The following MIB1 variants were observed in gnomAD, a reference collection of about 807,000 sequenced individuals.
MIB1 encodes E3 ubiquitin-protein ligase MIB1.
A neutral mutation model predicts 124.5 loss-of-function variants in MIB1; 278 were observed. The observed-to-expected ratio is 2.23, with a 90% CI of 2.02 to 2.47. MIB1 has a LOEUF of 2.47. MIB1 is among the 30% of genes most tolerant of loss of function. The pLI is 0.00. For missense variants in MIB1, 957 were observed against 1,254.4 expected, an observed-to-expected ratio of 0.76 and a Z score of 3.58; for synonymous variants, 446 against 429.4, an observed-to-expected ratio of 1.04 and a Z score of -0.48.
chr18:21,867,554 T>G lies in MIB1; in HGVS notation c.*2888T>G, dbSNP rs970222881. On this transcript the variant is annotated 3_prime_UTR_variant, in exon 21 of 21. Transcript: ENST00000261537. ...TGTAGGAATATATTAGACAAATGTT[T>G]AGTTGGTCAAATTATGCATAAGATA... The G allele has an allele frequency of 2.6e-5, 4 of 152,618 alleles. No individual in the cohort carries two copies. The highest frequency in any genetic ancestry group is 6.5e-5 in the Admixed American group (1 of 15,280). The allele number at this position is 152,618 out of a possible 1,614,324, so 9.5% of individuals were successfully genotyped here. A position where few individuals can be genotyped will look rare whatever the true frequency, so the allele number is the denominator to read the frequency against.
intron 1 of MIB1, among the ~76,000 whole-genome samples, chr18:21,751,347 G>A (rs553488660): frequency 1.1e-4 from 17 of 152,158 alleles, no homozygotes; most frequent in African/African-American, 4.1e-4. Flanking sequence ...CACGATCTTG[G>A]CTCACTGCAG....
chr18:21,724,725 AAAATATATAT>A (rs1290498271), intron 1 of MIB1, among the ~76,000 whole-genome samples: 27 of 42,800 alleles, frequency 6.3e-4, no homozygotes, highest in Admixed American at 1.0e-3. Context: ...AAAAAAAAAA[AAAATATATAT>A]ATATATATAT....
intron 1 of MIB1, among the ~76,000 whole-genome samples, chr18:21,756,572 C>T (rs938328716): frequency 1.3e-5 from 2 of 152,052 alleles, no homozygotes; most frequent in African/African-American, 4.8e-5. Context: ...TCAAGTGATC[C>T]ACCTGTCTCA....
At chr18:21,849,065 A>T (rs1407904985) in intron 16 of MIB1, 131 bp from the exon 17 acceptor site, 1 of 568,606 alleles carries the variant, frequency 1.8e-6, no homozygotes, top group East Asian at 2.9e-5. Flanking sequence ...TCACATACAG[A>T]TGTTAAAGCT....
chr18:21,843,187 T>C lies in MIB1; in HGVS notation c.2019T>C (p.Ala673=). 1.9e-6 allele frequency: 3 copies of C among 1,600,452 alleles called. No homozygotes were observed. Among genetic ancestry groups the C allele is most frequent in the Non-Finnish European group, 1.7e-6 (2 of 1,174,814 alleles). Residue 673 remains alanine, a synonymous_variant, in exon 14 of 21, where the codon GCT becomes GCC. Transcript: ENST00000261537. ...NVNQQTALHL[A]VERQHTQIVR... Reference sequence around the variant, plus strand: ...ACCAACAAACTGCCCTACACCTTGCTGTTGAACGACAGCATACCCAGATTG... The same window carrying C: ...ACCAACAAACTGCCCTACACCTTGCCGTTGAACGACAGCATACCCAGATTG...
chr18:21,801,841 C>G (rs955819833), intron 9 of MIB1, among the ~76,000 whole-genome samples: 6 of 152,128 alleles, frequency 3.9e-5, no homozygotes, highest in Non-Finnish European at 8.8e-5. Flanking sequence ...GAACAGGGTC[C>G]TCTGCACTGG....
chr18:21,799,840 G>T lies in MIB1; in HGVS notation c.1238-1G>T. The T allele has an allele frequency of 1.2e-6, 2 of 1,608,964 alleles. No individual in the cohort carries two copies. Among genetic ancestry groups the T allele is most frequent in the Non-Finnish European group, 1.7e-6 (2 of 1,176,808 alleles). ...TAGCAGCTTTATTTGATGCTTTACA[G>T]AAAGACTCTCACAACTCCTGAAGAA... On this transcript the variant is annotated splice_acceptor_variant, in intron 8 of 20. Transcript: ENST00000261537. LOFTEE classifies it high-confidence loss of function.
At chr18:21,763,694 G>A (rs995019947) in intron 1 of MIB1, among the ~76,000 whole-genome samples, 2 of 151,840 alleles carry the variant, frequency 1.3e-5, no homozygotes, top group Non-Finnish European at 2.9e-5. Flanking sequence ...GAATGATCTC[G>A]TTTAGACTTT....
At chr18:21,857,612 C>T (rs970269078) in intron 19 of MIB1, among the ~76,000 whole-genome samples, 3 of 152,214 alleles carry the variant, frequency 2.0e-5, no homozygotes, top group African/African-American at 7.2e-5. Flanking sequence ...AAGTATTAAC[C>T]TGCTTCCATT....
At chr18:21,814,893 A>AAACAAC (rs530748972) in intron 10 of MIB1, among the ~76,000 whole-genome samples, 1 of 149,132 alleles carries the variant, frequency 6.7e-6, no homozygotes, top group Non-Finnish European at 1.5e-5. Flanking sequence ...GATTCTTTAA[A>AAACAAC]AACAACAACA....
At chr18:21,795,698 A>G (rs2041570681) in intron 7 of MIB1, among the ~76,000 whole-genome samples, 1 of 152,124 alleles carries the variant, frequency 6.6e-6, no homozygotes, top group South Asian at 2.1e-4. Flanking sequence ...CTGTTAGCAT[A>G]ACCATGTAGA....
intron 1 of MIB1, among the ~76,000 whole-genome samples, chr18:21,721,104 A>G (rs894710949): frequency 6.6e-6 from 1 of 151,200 alleles, no homozygotes; most frequent in African/African-American, 2.4e-5. Context: ...TCATGTAATA[A>G]AAAGTTATTT....
intron 6 of MIB1, among the ~76,000 whole-genome samples, chr18:21,788,480 A>C (rs1158031220): frequency 6.6e-6 from 1 of 152,244 alleles, no homozygotes; most frequent in Non-Finnish European, 1.5e-5. Flanking sequence ...GGCTTGATAA[A>C]GGACATCTAT....
intron 12 of MIB1, chr18:21,826,776 C>G (rs1053794801): frequency 6.6e-6 from 1 of 152,080 alleles, no homozygotes; most frequent in African/African-American, 2.4e-5. Context: ...ATATTCTTTA[C>G]AGTTACTATT....
At position 21,843,119 on chromosome 18, in the gene MIB1, C is replaced by A; in HGVS notation, c.1963-12C>A. On this transcript the variant is annotated splice_polypyrimidine_tract_variant and intron_variant, in intron 13 of 20. Coordinates refer to ENST00000261537, the MANE Select transcript of MIB1 (RefSeq NM_020774.4). ...AAATTTTAACCATTTAACATTTGTT[C>A]TTCTCGTTCAGGGTAATGCAAACCT... 1 of 1,591,668 alleles carries A rather than the reference C, an allele frequency of 6.3e-7. No individual in the cohort carries two copies. The highest frequency in any genetic ancestry group is 1.2e-5 in the South Asian group (1 of 86,880).
Position 21,869,467 on chromosome 18 carries a change from T to C in MIB1, c.*4801T>C, listed in dbSNP as rs2042341422. The stretch of plus-strand genomic sequence containing the variant: ...ACTTGGCAACACTATTAAAACTTTA[T>C]AAAAGATGGTCTTTAGTGCACGTGT... On this transcript the variant is annotated 3_prime_UTR_variant, in exon 21 of 21. Coordinates refer to ENST00000261537, the MANE Select transcript of MIB1 (RefSeq NM_020774.4). 1 of 152,474 alleles carries C rather than the reference T, an allele frequency of 6.6e-6. No homozygotes were observed. Among genetic ancestry groups the C allele is most frequent in the African/African-American group, 2.4e-5 (1 of 41,430 alleles). The allele number at this position is 152,474 out of a possible 1,614,324, so 9.4% of individuals were successfully genotyped here.
intron 12 of MIB1, among the ~76,000 whole-genome samples, chr18:21,835,399 A>G (rs916238123): frequency 3.3e-5 from 5 of 152,122 alleles, no homozygotes; most frequent in Admixed American, 6.6e-5. Flanking sequence ...AGAAGAGAGG[A>G]AAGAGTCTAG....
chr18:21,804,384 T>G (rs945607060), intron 10 of MIB1, among the ~76,000 whole-genome samples: 35 of 152,222 alleles, frequency 2.3e-4, no homozygotes, highest in African/African-American at 8.0e-4. Flanking sequence ...GGAAACTTTT[T>G]TTGTTGTTGT....
At chr18:21,789,213 A>G (rs906792083) in intron 6 of MIB1, among the ~76,000 whole-genome samples, 1 of 151,732 alleles carries the variant, frequency 6.6e-6, no homozygotes. Flanking sequence ...GTTCCCAGCA[A>G]TCTTTGTTCC....
Sources: allele counts gnomAD v4.1 joint callset (sites outside exome capture counted in the v4.1 genomes callset), GRCh38; gene constraint gnomAD v4.1.1; transcripts MANE v1.5; gene names NCBI Gene and HGNC (gene_info 2026-07-23, HGNC 2026-07-21).